The following TRPM3 variants were observed in gnomAD, a reference collection of about 807,000 sequenced individuals.
The protein encoded by TRPM3 is long transient receptor potential channel 3.
A neutral mutation model predicts 181.2 loss-of-function variants in TRPM3; 77 were observed. The ratio of observed to expected loss-of-function variants is 0.42; its 90% CI spans 0.35 to 0.51. The LOEUF is 0.51. Among genes scored for constraint, TRPM3 ranks in the 20% least tolerant of loss-of-function variants. The pLI, the probability that TRPM3 is intolerant of heterozygous loss-of-function variation, is 0.01. For synonymous variants in TRPM3, 745 were observed against 796.4 expected, an observed-to-expected ratio of 0.94 and a Z score of 1.09; for missense variants, 1,759 against 2,196.7, an observed-to-expected ratio of 0.80 and a Z score of 3.98.
chr9:70,796,168 A>G (rs1314553136), intron 6 of TRPM3, among the ~76,000 whole-genome samples: 1 of 152,148 alleles, frequency 6.6e-6, no homozygotes, highest in East Asian at 1.9e-4. Context: ...TCCCCTGCAA[A>G]TGTTCCAGGA....
At chr9:71,028,414 A>C (rs1442321535) in intron 1 of TRPM3, among the ~76,000 whole-genome samples, 1 of 152,232 alleles carries the variant, frequency 6.6e-6, no homozygotes. Flanking sequence ...ACAAATTAGC[A>C]TAACAAAGAG....
At chr9:71,446,654 G>T (rs1055202475) in exon 1 of TRPM3, 2 of 1,549,788 alleles carry the variant, frequency 1.3e-6, no homozygotes, top group Admixed American at 2.0e-5. Context: ...GCCACTCACC[G>T]GCGTCTGCTG....
intron 1 of TRPM3, among the ~76,000 whole-genome samples, chr9:70,965,436 T>G (rs2133862745): frequency 6.6e-6 from 1 of 152,176 alleles, no homozygotes; most frequent in African/African-American, 2.4e-5. Context: ...GTACTAAAAT[T>G]TTATAACAAT....
intron 1 of TRPM3, among the ~76,000 whole-genome samples, chr9:71,282,159 A>AAAAGAAAGAATGAAAGAAAGAAAGAAAGG (rs201613874): frequency 8.7e-6 from 1 of 115,158 alleles, no homozygotes. Flanking sequence ...GAAAGAAAGG[A>AAAAGAAAGAATGAAAGAAAGAAAGAAAGG]AAAGAAAGAA....
chr9:70,945,092 G>A (rs1020301734), intron 1 of TRPM3, among the ~76,000 whole-genome samples: 3 of 152,134 alleles, frequency 2.0e-5, no homozygotes, highest in Non-Finnish European at 4.4e-5. Flanking sequence ...GGCATAGGTA[G>A]GTTTTCAAAG....
At chr9:71,195,947 G>A (rs1198969045) in intron 1 of TRPM3, among the ~76,000 whole-genome samples, 1 of 151,948 alleles carries the variant, frequency 6.6e-6, no homozygotes, top group Non-Finnish European at 1.5e-5. Context: ...ACACACACTG[G>A]GGCCTACCAG....
intron 1 of TRPM3, among the ~76,000 whole-genome samples, chr9:71,348,716 T>G (rs2091437281): frequency 6.6e-6 from 1 of 151,594 alleles, no homozygotes; most frequent in African/African-American, 2.4e-5. Flanking sequence ...AGGTGCCCCC[T>G]ACCAAGCCAG....
At chr9:70,993,249 G>A (rs1476996745) in intron 1 of TRPM3, among the ~76,000 whole-genome samples, 2 of 152,178 alleles carry the variant, frequency 1.3e-5, no homozygotes, top group Admixed American at 6.5e-5. Context: ...GCTGAATGAA[G>A]AACTGACTGT....
intron 1 of TRPM3, among the ~76,000 whole-genome samples, chr9:71,437,545 G>A (rs1162152022): frequency 6.6e-6 from 1 of 152,036 alleles, no homozygotes; most frequent in Non-Finnish European, 1.5e-5. Flanking sequence ...AGCAAGAATT[G>A]AATGATTATA....
chr9:70,625,897 C>T lies in TRPM3; in HGVS notation c.1633-380G>A, dbSNP rs981112250. Among the ~76,000 whole-genome samples, 12 of 152,186 alleles carry T rather than the reference C, an allele frequency of 7.9e-5. 1 individual carries two copies. Among genetic ancestry groups the T allele is most frequent in the South Asian group, 4.1e-4 (2 of 4,824 alleles). On this transcript the variant is annotated intron_variant, in intron 12 of 25. Coordinates refer to ENST00000677713, the MANE Select transcript of TRPM3 (RefSeq NM_001366145.2). This position sits in a 1 kb window ranked among gnomAD's most constrained non-coding sequence, Gnocchi z 4.8. ...TATCCATAATTTTAAAAAATTGACA[C>T]TTTTTTCATAAAAGAAGAGCAATAT...
intron 1 of TRPM3, among the ~76,000 whole-genome samples, chr9:70,921,934 C>CACACAA (rs1480142961): frequency 4.6e-4 from 55 of 119,936 alleles, no homozygotes; most frequent in African/African-American, 1.7e-3. Flanking sequence ...CACACACACA[C>CACACAA]ACAAACAAAC....
chr9:71,160,260 A>G (rs1282373090), intron 1 of TRPM3, among the ~76,000 whole-genome samples: 1 of 152,142 alleles, frequency 6.6e-6, no homozygotes, highest in Non-Finnish European at 1.5e-5. Context: ...ACCCATTCAA[A>G]TTAAAGTGTT....
chr9:71,252,847 C>CTCTCTCTCTTTTTTTTTT (rs1554854926), intron 1 of TRPM3, among the ~76,000 whole-genome samples: 2 of 84,754 alleles, frequency 2.4e-5, no homozygotes, highest in African/African-American at 1.0e-4. Flanking sequence ...AATTTTGTCT[C>CTCTCTCTCTTTTTTTTTT]TTTTTTTTTT....
intron 22 of TRPM3, among the ~76,000 whole-genome samples, chr9:70,582,800 T>C (rs894231192): frequency 1.3e-5 from 2 of 152,170 alleles, no homozygotes; most frequent in Non-Finnish European, 2.9e-5. Flanking sequence ...ATTTCCAGAC[T>C]TACCACCATT....
At chr9:71,220,836 A>G (rs1173925717) in intron 1 of TRPM3, among the ~76,000 whole-genome samples, 2 of 152,052 alleles carry the variant, frequency 1.3e-5, no homozygotes, top group African/African-American at 4.8e-5. Flanking sequence ...CAACTTATTG[A>G]CACCATCCCC....
chr9:70,915,854 A>G (rs1255342689), intron 1 of TRPM3, among the ~76,000 whole-genome samples: 1 of 152,180 alleles, frequency 6.6e-6, no homozygotes, highest in African/African-American at 2.4e-5. Context: ...TCCCAAACCT[A>G]AAGAATGATA....
chr9:70,754,272 C>A (rs1191007443), intron 8 of TRPM3, among the ~76,000 whole-genome samples: 1 of 152,128 alleles, frequency 6.6e-6, no homozygotes, highest in Non-Finnish European at 1.5e-5. Context: ...TCTTTATGAC[C>A]AAACCCCTCT....
intron 1 of TRPM3, among the ~76,000 whole-genome samples, chr9:71,185,797 C>T (rs1184187907): frequency 4.6e-5 from 7 of 151,902 alleles, no homozygotes; most frequent in Admixed American, 2.0e-4. Flanking sequence ...TCTGATGAGC[C>T]GGAGCACCTT....
chr9:70,976,668 C>T (rs1197095668), intron 1 of TRPM3, among the ~76,000 whole-genome samples: 4 of 152,206 alleles, frequency 2.6e-5, no homozygotes, highest in Admixed American at 2.6e-4. Flanking sequence ...ACAGGAAATG[C>T]CTGGCTCCCC....
Sources: allele counts gnomAD v4.1 joint callset (sites outside exome capture counted in the v4.1 genomes callset), GRCh38; gene constraint gnomAD v4.1.1; non-coding constraint Gnocchi (gnomAD v3.1); transcripts MANE v1.5; gene names NCBI Gene and HGNC (gene_info 2026-07-23, HGNC 2026-07-21).